The following PDE4D variants were observed in gnomAD, a reference collection of about 807,000 sequenced individuals.
PDE4D encodes the protein 3',5'-cyclic-AMP phosphodiesterase 4D.
PDE4D carries 24 observed loss-of-function variants against 87.4 expected under a neutral mutation model. The ratio of observed to expected loss-of-function variants is 0.27; its 90% CI spans 0.20 to 0.39. The LOEUF (loss-of-function observed/expected upper bound fraction) is 0.39, where lower values mean the gene tolerates loss of function less well. Among genes scored for constraint, PDE4D ranks in the 10% least tolerant of loss-of-function variants. The probability of loss-of-function intolerance (pLI) is 1.00; values close to 1 mark genes in which losing one functional copy is unlikely to be tolerated. For synonymous variants in PDE4D, 384 were observed against 383.2 expected, an observed-to-expected ratio of 1.00 and a Z score of -0.02; for missense variants, 714 against 1,041.0, an observed-to-expected ratio of 0.69 and a Z score of 4.32.
chr5:59,490,633 T>C (rs1298413272), intron 1 of PDE4D, among the ~76,000 whole-genome samples: 1 of 152,230 alleles, frequency 6.6e-6, no homozygotes, highest in East Asian at 1.9e-4. Flanking sequence ...TTGTCATCTT[T>C]GTGCATCCCT....
chr5:59,702,880 A>AAAAAAG (rs1752802594), intron 1 of PDE4D, among the ~76,000 whole-genome samples: 1 of 151,444 alleles, frequency 6.6e-6, no homozygotes, highest in African/African-American at 2.4e-5. Flanking sequence ...AAAAAAAAAA[A>AAAAAAG]AAAAAAAAAA....
intron 1 of PDE4D, among the ~76,000 whole-genome samples, chr5:59,854,437 T>A (rs537397222): frequency 6.6e-6 from 1 of 152,090 alleles, no homozygotes; most frequent in African/African-American, 2.4e-5. Flanking sequence ...TTTTTAATTA[T>A]CTTCATTCCT....
intron 1 of PDE4D, among the ~76,000 whole-genome samples, chr5:59,513,180 G>GT (rs1356845985): frequency 6.6e-6 from 1 of 151,984 alleles, no homozygotes; most frequent in Non-Finnish European, 1.5e-5. Flanking sequence ...TAATACATTT[G>GT]TTTTTTCTTA....
chr5:59,942,764 T>C lies in PDE4D; in HGVS notation c.272+45724A>G, dbSNP rs147081053. 7.0e-4 allele frequency among the ~76,000 whole-genome samples: 105 copies of C among 149,640 alleles called. 1 individual carries two copies. Among genetic ancestry groups the C allele is most frequent in the African/African-American group, 1.9e-3 (78 of 40,542 alleles). On this transcript the variant is annotated intron_variant, in intron 3 of 16. Transcript: ENST00000502484. ...GGCTGTGATAGGGAAGTGAGGAATATAGCTAGAGAGAATAGGCAAAACTGG... is the reference window on the plus strand; with the variant it reads ...GGCTGTGATAGGGAAGTGAGGAATACAGCTAGAGAGAATAGGCAAAACTGG...
intron 5 of PDE4D, among the ~76,000 whole-genome samples, chr5:59,040,549 A>G (rs1041382595): frequency 6.6e-6 from 1 of 152,206 alleles, no homozygotes; most frequent in African/African-American, 2.4e-5. Context: ...ACCATATTCA[A>G]AGGCATACAG....
At chr5:59,987,513 TGA>T (rs1364616952) in intron 3 of PDE4D, 1 of 152,216 alleles carries the variant, frequency 6.6e-6, no homozygotes. Flanking sequence ...ATCTTTGAGT[TGA>T]GTTACTAGCC....
intron 1 of PDE4D, among the ~76,000 whole-genome samples, chr5:59,402,303 C>T (rs951559505): frequency 1.1e-4 from 17 of 152,244 alleles, no homozygotes; most frequent in Admixed American, 1.1e-3. Context: ...GTGAAGAATA[C>T]TAGTTATAAA....
intron 1 of PDE4D, among the ~76,000 whole-genome samples, chr5:59,794,056 C>G (rs1382670670): frequency 6.6e-6 from 1 of 151,972 alleles, no homozygotes; most frequent in African/African-American, 2.4e-5. Flanking sequence ...CAGGCACATG[C>G]ACACACACAG....
At chr5:59,178,606 G>A (rs543664363) in intron 5 of PDE4D, among the ~76,000 whole-genome samples, 1 of 152,204 alleles carries the variant, frequency 6.6e-6, no homozygotes, top group African/African-American at 2.4e-5. Context: ...CCTGGCATCT[G>A]CTGGGATGGC....
intron 1 of PDE4D, among the ~76,000 whole-genome samples, chr5:59,386,741 A>G (rs905792183): frequency 2.6e-5 from 4 of 151,822 alleles, no homozygotes; most frequent in Non-Finnish European, 5.9e-5. Flanking sequence ...GAAAAGACAA[A>G]AAGAAATATG....
intron 5 of PDE4D, among the ~76,000 whole-genome samples, chr5:59,112,115 A>G (rs1772760581): frequency 6.6e-6 from 1 of 152,148 alleles, no homozygotes; most frequent in South Asian, 2.1e-4. Flanking sequence ...CCTAATGGAG[A>G]TGAAACACAA....
At chr5:59,852,726 G>A (rs34562965) in intron 1 of PDE4D, among the ~76,000 whole-genome samples, 7,678 of 151,972 alleles carry the variant, frequency 0.051, 238 homozygotes, top group African/African-American at 0.079. Context: ...GCAGCAATAG[G>A]TAACTAATTA....
At chr5:59,882,137 T>A (rs1749519308) in intron 1 of PDE4D, among the ~76,000 whole-genome samples, 1 of 152,232 alleles carries the variant, frequency 6.6e-6, no homozygotes, top group Non-Finnish European at 1.5e-5. Flanking sequence ...AACCATATTC[T>A]ACATGAGGGG....
chr5:60,356,952 G>A (rs375782335), intron 1 of PDE4D, among the ~76,000 whole-genome samples: 7 of 152,048 alleles, frequency 4.6e-5, no homozygotes, highest in South Asian at 4.1e-4. Context: ...GGACACTCAC[G>A]TCCATCAACA....
intron 1 of PDE4D, among the ~76,000 whole-genome samples, chr5:60,416,295 G>A (rs1246555401): frequency 6.6e-6 from 1 of 152,212 alleles, no homozygotes; most frequent in East Asian, 1.9e-4. Flanking sequence ...AATAAAAGCA[G>A]GCTGCCTGAG....
At chr5:59,901,858 T>C (rs1390794925) in intron 3 of PDE4D, among the ~76,000 whole-genome samples, 3 of 150,680 alleles carry the variant, frequency 2.0e-5, no homozygotes, top group African/African-American at 7.3e-5. Flanking sequence ...AAGGTAAACA[T>C]TCACATACAC....
intron 1 of PDE4D, among the ~76,000 whole-genome samples, chr5:60,351,883 A>G (rs539328995): frequency 1.9e-4 from 28 of 151,012 alleles, no homozygotes; most frequent in African/African-American, 5.6e-4. Context: ...ACAGCTCACT[A>G]CAGCCTTGAA....
intron 2 of PDE4D, among the ~76,000 whole-genome samples, chr5:59,992,487 A>G (rs1471996336): frequency 6.6e-6 from 1 of 152,146 alleles, no homozygotes; most frequent in African/African-American, 2.4e-5. Flanking sequence ...ATGTGTAAAT[A>G]CTCTTCTTCT....
At chr5:59,856,787 C>T (rs1210612558) in intron 1 of PDE4D, among the ~76,000 whole-genome samples, 1 of 152,122 alleles carries the variant, frequency 6.6e-6, no homozygotes, top group African/African-American at 2.4e-5. Flanking sequence ...ATGCTCATTT[C>T]CAAGTACTGA....
Sources: gnomAD v4.1 joint callset for allele counts (sites outside exome capture counted in the v4.1 genomes callset) on GRCh38, gnomAD v4.1.1 for gene constraint, MANE v1.5 for transcripts, NCBI Gene and HGNC (gene_info 2026-07-23, HGNC 2026-07-21) for gene names.